FSIP2: variants seen among roughly 807,000 people sequenced by gnomAD.
FSIP2 encodes the protein fibrous sheath interacting protein 2.
FSIP2 carries 367 observed loss-of-function variants against 510.5 expected under a neutral mutation model. That is an observed-to-expected ratio of 0.72 (90% confidence interval 0.66 to 0.78). The LOEUF (loss-of-function observed/expected upper bound fraction) is 0.78, where lower values mean the gene tolerates loss of function less well. FSIP2 is among the 30% of genes least tolerant of loss of function. FSIP2 has a pLI of 0.00. For missense variants in FSIP2, 7,594 were observed against 7,901.7 expected, an observed-to-expected ratio of 0.96 and a Z score of 1.48; for synonymous variants, 2,601 against 2,732.2, an observed-to-expected ratio of 0.95 and a Z score of 1.50.
At position 185,801,790 on chromosome 2, in the gene FSIP2, T is replaced by C; in HGVS notation, c.12484T>C (p.Ser4162Pro). The C allele has an allele frequency of 7.3e-6, 11 of 1,498,820 alleles. No individual in the cohort carries two copies. Among genetic ancestry groups the C allele is most frequent in the Non-Finnish European group, 9.7e-6 (11 of 1,129,612 alleles). The allele number at this position is 1,498,820 out of a possible 1,614,324, so 92.8% of individuals were successfully genotyped here. A position where few individuals can be genotyped will look rare whatever the true frequency, so the allele number is the denominator to read the frequency against. Residue 4162 changes from serine to proline, a missense_variant, in exon 17 of 23, where the codon TCC becomes CCC. Transcript: ENST00000424728. The part of the protein sequence containing the change: ...SQLIPPPITC[S>P]SLGKKYLMSS... Reference sequence around the variant, plus strand: ...GCTAATTCCTCCACCCATTACATGTTCCTCTTTAGGAAAAAAATATTTAAT... The same window carrying C: ...GCTAATTCCTCCACCCATTACATGTCCCTCTTTAGGAAAAAAATATTTAAT...
In FSIP2 at chr2:185,802,100, G is replaced by A. The variant is rs1176276075; in HGVS notation, c.12794G>A (p.Gly4265Glu). The A allele has an allele frequency of 2.0e-6, 3 of 1,533,264 alleles. No homozygotes were observed. The highest frequency in any genetic ancestry group is 4.9e-5 in the East Asian group (2 of 40,836). The allele number at this position is 1,533,264 out of a possible 1,614,324, so 95.0% of individuals were successfully genotyped here. ...AATCATCTTCAACCATTTTTGAGTG[G>A]AGAGGTTTTATGTCATCCAAGGACT... is the stretch of plus-strand genomic sequence containing the variant. ...IENHLQPFLS[G>E]EVLCHPRTPL... The change falls in exon 17 of 23, where the codon GGA (glycine) becomes GAA (glutamate). Residue 4265 changes from glycine (G) to glutamate (E), a missense_variant. Physicochemically the swap from Gly to Glu is moderately conservative, Grantham distance 98. Coordinates refer to ENST00000424728, the MANE Select transcript of FSIP2 (RefSeq NM_173651.4).
chr2:185,778,068 G>A (rs1244493477), intron 13 of FSIP2, among the ~76,000 whole-genome samples: 1 of 151,958 alleles, frequency 6.6e-6, no homozygotes, highest in African/African-American at 2.4e-5. Context: ...CTTTTAGCAA[G>A]TAACTGCTTT....
chr2:185,761,897 T>A, intron 10 of FSIP2, 75 bp from the exon 11 acceptor site: 3 of 762,570 alleles, frequency 3.9e-6, no homozygotes, highest in Non-Finnish European at 6.3e-6. Flanking sequence ...CATTGGTTAA[T>A]TGATAGAAGG....
intron 21 of FSIP2, 36 bp from the exon 22 acceptor site, chr2:185,831,777 G>GA (rs756851725): frequency 7.1e-7 from 1 of 1,415,954 alleles, no homozygotes; most frequent in Admixed American, 1.7e-5. Flanking sequence ...TGTGTCCAGT[G>GA]AAAGACTCAG....
In FSIP2 at chr2:185,796,088, C is replaced by A. The variant is rs1339301459; in HGVS notation, c.8952C>A (p.Ser2984=). 1 of 1,532,948 alleles carries A rather than the reference C, an allele frequency of 6.5e-7. No homozygotes were observed. Among genetic ancestry groups the A allele is most frequent in the African/African-American group, 1.4e-5 (1 of 72,870 alleles). 95.0% of individuals were successfully genotyped at this position (1,532,948 alleles called of 1,614,324 possible). A position where few individuals can be genotyped will look rare whatever the true frequency, so the allele number is the denominator to read the frequency against. The change falls in exon 16 of 23, where the codon TCC becomes TCA. Residue 2984 remains serine (S), a synonymous_variant. Transcript: ENST00000424728. The stretch of plus-strand genomic sequence containing the variant: ...CAAAAGACCAAATTTCTGTGGGCTC[C>A]AGCAACCAAATTGTTCAAGAGATTG... ...TKTKDQISVG[S]SNQIVQEIVE... is the part of the protein sequence containing the mutation.
chr2:185,824,139 A>G (rs1574208882), intron 19 of FSIP2, among the ~76,000 whole-genome samples: 1 of 151,840 alleles, frequency 6.6e-6, no homozygotes, highest in East Asian at 1.9e-4. Context: ...AAAGATGAAA[A>G]AAGTTCTGGA....
rs1168017863 is a variant in FSIP2, at chr2:185,806,555, A to G, written c.17249A>G (p.Glu5750Gly). Residue 5750 changes from glutamate to glycine, a missense_variant, in exon 17 of 23, where the codon GAA (glutamate) becomes GGA (glycine). Glu to Gly is a moderately conservative substitution (Grantham distance 98). Coordinates refer to ENST00000424728, the MANE Select transcript of FSIP2 (RefSeq NM_173651.4). ...ATCTCTGCCAAAGAAAAAGAAGAGG[A>G]AGAGAGAGAAAAAGAGAAAGTAAGA... ...KNISAKEKEE[E>G]EREKEKVREE... 6.2e-7 allele frequency: 1 copy of G among 1,603,862 alleles called. No homozygotes were observed.
chr2:185,800,974 T>C lies in FSIP2; in HGVS notation c.11668T>C (p.Ser3890Pro). The C allele has an allele frequency of 6.5e-7, 1 of 1,529,068 alleles. No homozygotes were observed. The highest frequency in any genetic ancestry group is 8.7e-7 in the Non-Finnish European group (1 of 1,143,196). The allele number at this position is 1,529,068 out of a possible 1,614,324, so 94.7% of individuals were successfully genotyped here. ...GTCTAGTTTCATAAAAGCAAGAAAGTCAGAATTAATAGAATTAGGACAGAG... is the reference window on the plus strand; with the variant it reads ...GTCTAGTTTCATAAAAGCAAGAAAGCCAGAATTAATAGAATTAGGACAGAG... ...IQSSFIKARK[S>P]ELIELGQSKS... Residue 3890 changes from serine to proline, a missense_variant, in exon 17 of 23, where the codon TCA becomes CCA. Ser to Pro is a moderately conservative substitution (Grantham distance 74). Transcript: ENST00000424728.
At chr2:185,825,678 A>G (rs976226122) in intron 20 of FSIP2, among the ~76,000 whole-genome samples, 2 of 151,732 alleles carry the variant, frequency 1.3e-5, no homozygotes, top group Non-Finnish European at 2.9e-5. Context: ...CTTAGTTCTT[A>G]TATCTTTTAG....
chr2:185,763,147 G>T, intron 11 of FSIP2, 36 bp from the exon 12 acceptor site: 1 of 899,714 alleles, frequency 1.1e-6, no homozygotes, highest in African/African-American at 1.7e-5. Context: ...AGCAATATCA[G>T]CTTCTCATAT....
chr2:185,824,339 C>A, intron 19 of FSIP2, 95 bp from the exon 20 acceptor site: 1 of 804,120 alleles, frequency 1.2e-6, no homozygotes, highest in East Asian at 2.5e-5. Flanking sequence ...TTTCAGGTTT[C>A]TTTCCATATG....
At chr2:185,771,059 G>A (rs1225214350) in intron 13 of FSIP2, among the ~76,000 whole-genome samples, 2 of 152,164 alleles carry the variant, frequency 1.3e-5, no homozygotes, top group African/African-American at 4.8e-5. Context: ...TAAAAAAAAG[G>A]GGTGGTCTCC....
chr2:185,806,108 G>C lies in FSIP2; in HGVS notation c.16802G>C (p.Gly5601Ala). 1 of 1,576,112 alleles carries C rather than the reference G, an allele frequency of 6.3e-7. No homozygotes were observed. ...DDTEYEKEVLGSDSEIGYKKK... is the reference protein window; with the variant it reads ...DDTEYEKEVLASDSEIGYKKK... ...ACAGAATATGAGAAGGAAGTACTTG[G>C]ATCAGATTCTGAAATAGGCTATAAA... Residue 5601 changes from glycine (G) to alanine (A), a missense_variant, in exon 17 of 23, where the codon GGA becomes GCA. Transcript: ENST00000424728.
Position 185,804,125 on chromosome 2 carries a change from C to A in FSIP2, c.14819C>A (p.Ser4940Tyr). Reference protein sequence around the residue: ...KAIDPKQRELSFIVNSSVFLE... With the variant: ...KAIDPKQRELYFIVNSSVFLE... The stretch of plus-strand genomic sequence containing the variant: ...ATAGATCCTAAACAAAGAGAATTAT[C>A]TTTTATTGTGAACTCATCTGTCTTT... The change falls in exon 17 of 23, where the codon TCT becomes TAT. Residue 4940 changes from serine (S) to tyrosine (Y), a missense_variant. Transcript: ENST00000424728. 6.6e-7 allele frequency: 1 copy of A among 1,521,842 alleles called. No individual in the cohort carries two copies. The highest frequency in any genetic ancestry group is 1.2e-5 in the South Asian group (1 of 80,938). 94.3% of individuals were successfully genotyped at this position (1,521,842 alleles called of 1,614,324 possible).
chr2:185,820,854 G>A (rs1159788958), intron 19 of FSIP2, among the ~76,000 whole-genome samples: 5 of 151,152 alleles, frequency 3.3e-5, no homozygotes, highest in African/African-American at 1.2e-4. Flanking sequence ...AAATAAGAAA[G>A]ATCTTATACC....
intron 13 of FSIP2, among the ~76,000 whole-genome samples, chr2:185,780,495 C>T (rs1692824467): frequency 6.6e-6 from 1 of 151,490 alleles, no homozygotes; most frequent in South Asian, 2.1e-4. Context: ...ATATAAAATA[C>T]AATTTCTAAA....
At chr2:185,776,578 T>G (rs1692727111) in intron 13 of FSIP2, among the ~76,000 whole-genome samples, 1 of 152,234 alleles carries the variant, frequency 6.6e-6, no homozygotes, top group African/African-American at 2.4e-5. Flanking sequence ...TCATTTTTAA[T>G]TTATTTGAAT....
rs759804496 is a variant in FSIP2, at chr2:185,804,573, T to A, written c.15267T>A (p.Asp5089Glu). 2.2e-5 allele frequency: 34 copies of A among 1,532,484 alleles called. 1 individual carries two copies. In the South Asian group the frequency reaches 3.8e-4, roughly 17 times the overall value. The allele number at this position is 1,532,484 out of a possible 1,614,324, so 94.9% of individuals were successfully genotyped here. A position where few individuals can be genotyped will look rare whatever the true frequency, so the allele number is the denominator to read the frequency against. ...ESSSYSYPQA[D>E]NIIRNVLNII... ...CTTCTTATTCGTATCCCCAAGCTGATAATATCATCAGAAATGTGCTTAACA... is the reference window on the plus strand; with the variant it reads ...CTTCTTATTCGTATCCCCAAGCTGAAAATATCATCAGAAATGTGCTTAACA... The change falls in exon 17 of 23, where the codon GAT becomes GAA. Residue 5089 changes from aspartate to glutamate, a missense_variant. By Grantham distance (45) the Asp-to-Glu change is conservative. Coordinates refer to ENST00000424728, the MANE Select transcript of FSIP2 (RefSeq NM_173651.4).
chr2:185,791,700 T>A lies in FSIP2; in HGVS notation c.4564T>A (p.Ser1522Thr). ...AGAGTCTCTTGACATTGACAACCCA[T>A]CATTTGCTTCAATTATTGAGAAAAT... ...ISESLDIDNP[S>T]FASIIEKMAK... is the part of the protein sequence containing the mutation. Residue 1522 changes from serine (S) to threonine (T), a missense_variant, in exon 16 of 23, where the codon TCA becomes ACA. Transcript: ENST00000424728. The A allele has an allele frequency of 2.0e-6, 3 of 1,534,358 alleles. No individual in the cohort carries two copies. The highest frequency in any genetic ancestry group is 2.4e-5 in the South Asian group (2 of 84,026).
Sources: allele counts gnomAD v4.1 joint callset (sites outside exome capture counted in the v4.1 genomes callset), GRCh38; gene constraint gnomAD v4.1.1; transcripts MANE v1.5; gene names NCBI Gene and HGNC (gene_info 2026-07-23, HGNC 2026-07-21).